IMMP2L: variants seen among roughly 807,000 people sequenced by gnomAD.
IMMP2L encodes the protein inner mitochondrial membrane peptidase subunit 2.
In IMMP2L, 18 loss-of-function variants were observed where a neutral mutation model predicts 19.3. That is an observed-to-expected ratio of 0.93 (90% CI 0.64 to 1.38). The LOEUF (loss-of-function observed/expected upper bound fraction) is 1.38, where lower values mean the gene tolerates loss of function less well. Among genes scored for constraint, IMMP2L ranks in the 40% most tolerant of loss-of-function variants. The pLI is 0.00. For synonymous variants in IMMP2L, 76 were observed against 73.0 expected, an observed-to-expected ratio of 1.04 and a Z score of -0.21; for missense variants, 233 against 218.2, an observed-to-expected ratio of 1.07 and a Z score of -0.43.
At chr7:110,914,095 C>A (rs1039468678) in intron 4 of IMMP2L, among the ~76,000 whole-genome samples, 1 of 152,160 alleles carries the variant, frequency 6.6e-6, no homozygotes, top group Non-Finnish European at 1.5e-5. Context: ...TCTTGACCAG[C>A]CTGCTTTTGC....
At chr7:111,150,057 C>T (rs919573817) in intron 3 of IMMP2L, among the ~76,000 whole-genome samples, 6 of 152,058 alleles carry the variant, frequency 3.9e-5, no homozygotes, top group Non-Finnish European at 4.4e-5. Context: ...TTTTATTTGA[C>T]TTTGTCATGT....
intron 5 of IMMP2L, among the ~76,000 whole-genome samples, chr7:110,868,368 C>G (rs1221273833): frequency 6.6e-6 from 1 of 152,046 alleles, no homozygotes; most frequent in Non-Finnish European, 1.5e-5. Flanking sequence ...TGGATGAAGA[C>G]AACCCTTTGA....
intron 5 of IMMP2L, among the ~76,000 whole-genome samples, chr7:110,852,101 T>C (rs928923023): frequency 6.6e-6 from 1 of 151,992 alleles, no homozygotes; most frequent in African/African-American, 2.4e-5. Context: ...CATCATTTGG[T>C]GAGGAAACTA....
chr7:110,727,523 G>A lies in IMMP2L; in HGVS notation c.409-63802C>T, dbSNP rs138298555. Among the ~76,000 whole-genome samples the A allele has an allele frequency of 1.6e-3, 238 of 152,306 alleles. No homozygotes were observed. The highest frequency in any genetic ancestry group is 5.6e-3 in the African/African-American group (232 of 41,564). ...ACTGTTTCCTCCTCTCCCTCCCAGT[G>A]CTCCAAACCAGTAAGAGTCAGAAAC... On this transcript the variant is annotated intron_variant, in intron 5 of 5. Transcript: ENST00000405709. This position sits in a 1 kb window ranked among gnomAD's most constrained non-coding sequence, Gnocchi z 4.3.
chr7:111,259,166 C>A (rs1178082230), intron 3 of IMMP2L, among the ~76,000 whole-genome samples: 2 of 152,020 alleles, frequency 1.3e-5, no homozygotes, highest in South Asian at 4.1e-4. Context: ...AAATGGTACC[C>A]TGTATAAAGT....
intron 2 of IMMP2L, among the ~76,000 whole-genome samples, chr7:111,507,538 TTAA>T (rs1845041382): frequency 6.6e-6 from 1 of 152,124 alleles, no homozygotes; most frequent in Non-Finnish European, 1.5e-5. Context: ...CTGTTTTCTA[TTAA>T]CAGTTGTTTG....
Position 111,195,981 on chromosome 7 carries a change from C to A in IMMP2L, c.240-232416G>T, listed in dbSNP as rs934736615. Among the ~76,000 whole-genome samples the A allele has an allele frequency of 3.9e-5, 6 of 152,052 alleles. No homozygotes were observed. The East Asian group carries it at 1.2e-3, about 29-fold the overall frequency. ...TCCTGGGCTCAAGTGATTCTCCCACCTTAGCCTCCAAGCAGCTAGTACCAC... is the reference window on the plus strand; with the variant it reads ...TCCTGGGCTCAAGTGATTCTCCCACATTAGCCTCCAAGCAGCTAGTACCAC... On this transcript the variant is annotated intron_variant, in intron 3 of 5. Transcript: ENST00000405709.
chr7:110,766,455 G>A (rs1798668264), intron 5 of IMMP2L, among the ~76,000 whole-genome samples: 1 of 151,894 alleles, frequency 6.6e-6, no homozygotes, highest in South Asian at 2.1e-4. Context: ...AGCCGGGCGT[G>A]GTGATGCGCG....
At chr7:111,489,155 T>C (rs1026378968) in intron 2 of IMMP2L, among the ~76,000 whole-genome samples, 3 of 149,270 alleles carry the variant, frequency 2.0e-5, no homozygotes, top group Non-Finnish European at 4.4e-5. Flanking sequence ...GCCATTCTCC[T>C]GCCTCAGCCT....
At chr7:111,363,856 C>T (rs1346444240) in intron 3 of IMMP2L, among the ~76,000 whole-genome samples, 1 of 152,054 alleles carries the variant, frequency 6.6e-6, no homozygotes, top group Non-Finnish European at 1.5e-5. Context: ...TCCCTGTACA[C>T]ACCACGTGGT....
At chr7:110,935,072 A>T (rs1216234725) in intron 4 of IMMP2L, among the ~76,000 whole-genome samples, 1 of 152,168 alleles carries the variant, frequency 6.6e-6, no homozygotes, top group Non-Finnish European at 1.5e-5. Context: ...CCATTAGTTG[A>T]TGCAGTTCCT....
intron 3 of IMMP2L, among the ~76,000 whole-genome samples, chr7:111,418,972 A>C (rs1036829520): frequency 6.6e-6 from 1 of 151,746 alleles, no homozygotes; most frequent in African/African-American, 2.4e-5. Flanking sequence ...TATTTTTTCA[A>C]TATTGTGTTG....
At chr7:111,072,901 CAA>C (rs34223033) in intron 3 of IMMP2L, among the ~76,000 whole-genome samples, 30 of 72,834 alleles carry the variant, frequency 4.1e-4, no homozygotes, top group Admixed American at 4.6e-4. Flanking sequence ...AGACTGTCTC[CAA>C]AAAAAAAAAA....
chr7:110,663,446 T>A lies in IMMP2L; in HGVS notation c.*156A>T. 1 of 584,650 alleles carries A rather than the reference T, an allele frequency of 1.7e-6. No individual in the cohort carries two copies. The highest frequency in any genetic ancestry group is 2.9e-6 in the Non-Finnish European group (1 of 349,566). The allele number at this position is 584,650 out of a possible 1,614,324, so 36.2% of individuals were successfully genotyped here. ...TTTAATACTGTTTAACATTTGAAAA[T>A]TATTTATTTAATAATACAGATCGTT... On this transcript the variant is annotated 3_prime_UTR_variant, in exon 6 of 6. Coordinates refer to ENST00000405709, the MANE Select transcript of IMMP2L (RefSeq NM_032549.4).
intron 3 of IMMP2L, among the ~76,000 whole-genome samples, chr7:111,209,498 A>C (rs1351733592): frequency 6.6e-6 from 1 of 152,096 alleles, no homozygotes; most frequent in African/African-American, 2.4e-5. Context: ...ATTTACATTT[A>C]ATTTATTCAC....
At chr7:111,128,740 G>A (rs1031525123) in intron 3 of IMMP2L, among the ~76,000 whole-genome samples, 1 of 152,100 alleles carries the variant, frequency 6.6e-6, no homozygotes, top group Non-Finnish European at 1.5e-5. Context: ...CAGGAGAATC[G>A]CTTGAATCTG....
At chr7:110,676,363 T>C (rs1792298446) in intron 5 of IMMP2L, among the ~76,000 whole-genome samples, 1 of 152,262 alleles carries the variant, frequency 6.6e-6, no homozygotes, top group African/African-American at 2.4e-5. Context: ...CAATGAAACT[T>C]GATTTACAAA....
At chr7:111,349,662 G>T (rs1827940048) in intron 3 of IMMP2L, among the ~76,000 whole-genome samples, 1 of 152,108 alleles carries the variant, frequency 6.6e-6, no homozygotes, top group South Asian at 2.1e-4. Context: ...CCAGCAAGGG[G>T]AGTAGAATGA....
intron 3 of IMMP2L, among the ~76,000 whole-genome samples, chr7:111,258,950 T>C (rs1817014583): frequency 1.3e-5 from 2 of 152,284 alleles, no homozygotes; most frequent in South Asian, 4.1e-4. Flanking sequence ...ATGTGAAGTG[T>C]ACTTACACAA....
Sources: gnomAD v4.1 joint callset for allele counts (sites outside exome capture counted in the v4.1 genomes callset) on GRCh38, gnomAD v4.1.1 for gene constraint, Gnocchi (gnomAD v3.1) non-coding constraint, MANE v1.5 for transcripts, NCBI Gene and HGNC (gene_info 2026-07-23, HGNC 2026-07-21) for gene names.